CORO1C: variants seen among roughly 807,000 people sequenced by gnomAD.
The protein encoded by CORO1C is coronin 1C.
Under a neutral mutation model 51.2 loss-of-function variants are expected in CORO1C, and 14 were observed. The observed-to-expected ratio is 0.27, with a 90% confidence interval of 0.18 to 0.43. The LOEUF is 0.43. Among genes scored for constraint, CORO1C ranks in the 20% least tolerant of loss-of-function variants. CORO1C has a pLI of 1.00. For missense variants in CORO1C, 417 were observed against 607.8 expected, an observed-to-expected ratio of 0.69 and a Z score of 3.30; for synonymous variants, 181 against 210.5, an observed-to-expected ratio of 0.86 and a Z score of 1.21.
At chr12:108,705,583 CAAAG>C (rs2035006729) in intron 1 of CORO1C, among the ~76,000 whole-genome samples, 1 of 151,370 alleles carries the variant, frequency 6.6e-6, no homozygotes, top group South Asian at 2.1e-4. Context: ...CAAAATTTTC[CAAAG>C]ATAGAGAAGA....
intron 2 of CORO1C, among the ~76,000 whole-genome samples, chr12:108,695,988 A>C (rs886252229): frequency 5.3e-5 from 8 of 152,202 alleles, no homozygotes; most frequent in Non-Finnish European, 1.0e-4. Flanking sequence ...AAGATCCCAA[A>C]TATTCCCACA....
intron 2 of CORO1C, among the ~76,000 whole-genome samples, chr12:108,678,718 TAAAA>T (rs5800834): frequency 1.8e-5 from 2 of 113,710 alleles, no homozygotes; most frequent in East Asian, 2.3e-4. Flanking sequence ...TTCCATGGCT[TAAAA>T]AAAAAAAAAA....
At chr12:108,706,080 G>A (rs1476535242) in intron 1 of CORO1C, among the ~76,000 whole-genome samples, 8 of 151,916 alleles carry the variant, frequency 5.3e-5, no homozygotes, top group African/African-American at 9.7e-5. Flanking sequence ...CCAGCTACTC[G>A]GGAGGCAGAG....
At chr12:108,652,443 T>C (rs760234276) in intron 7 of CORO1C, 26 bp from the exon 8 acceptor site, 1 of 1,602,436 alleles carries the variant, frequency 6.2e-7, no homozygotes, top group Non-Finnish European at 8.5e-7. Context: ...GACAAGTCTG[T>C]GTCTGATTGT....
intron 1 of CORO1C, 72 bp from the exon 2 acceptor site, chr12:108,701,395 G>A: frequency 5.0e-6 from 8 of 1,600,444 alleles, no homozygotes; most frequent in Non-Finnish European, 6.8e-6. Context: ...CAAATGAAAT[G>A]CTCCAAGTAG....
Position 108,710,639 on chromosome 12 carries a change from A to C in CORO1C, c.-5-9316T>G, listed in dbSNP as rs563997682. ...GAGTGCAGTGGCACAATCTCGGCTC[A>C]CTGCAACCTCCACCTCCCAGGTTCA... On this transcript the variant is annotated intron_variant, in intron 1 of 10. Transcript: ENST00000261401. Among the ~76,000 whole-genome samples the C allele has an allele frequency of 3.3e-5, 5 of 151,278 alleles. No individual in the cohort carries two copies. The East Asian group carries it at 5.8e-4, about 18-fold the overall frequency.
At chr12:108,697,161 A>C (rs995967536) in intron 2 of CORO1C, among the ~76,000 whole-genome samples, 1 of 152,156 alleles carries the variant, frequency 6.6e-6, no homozygotes, top group Admixed American at 6.5e-5. Flanking sequence ...GCTGACACTA[A>C]ATAGCTTTCA....
Position 108,678,260 on chromosome 12 carries a change from C to G in CORO1C, c.318+12G>C. On this transcript the variant is annotated intron_variant, in intron 3 of 10. Transcript: ENST00000261401. Reference sequence around the variant, plus strand: ...CACTGGCCTGTGTGCACACAACACCCTGGGAGCTTACCATGACCGTGCAGT... The same window carrying G: ...CACTGGCCTGTGTGCACACAACACCGTGGGAGCTTACCATGACCGTGCAGT... 1 of 1,606,810 alleles carries G rather than the reference C, an allele frequency of 6.2e-7. No homozygotes were observed. Among genetic ancestry groups the G allele is most frequent in the South Asian group, 1.1e-5 (1 of 90,004 alleles).
At chr12:108,665,115 G>C (rs1329631323) in intron 3 of CORO1C, among the ~76,000 whole-genome samples, 1 of 152,200 alleles carries the variant, frequency 6.6e-6, no homozygotes, top group Non-Finnish European at 1.5e-5. Context: ...GGAGTGATGG[G>C]AGACTTTGTT....
intron 1 of CORO1C, among the ~76,000 whole-genome samples, chr12:108,717,411 T>C (rs2035365847): frequency 6.6e-6 from 1 of 152,190 alleles, no homozygotes; most frequent in Non-Finnish European, 1.5e-5. Context: ...TATGAGTATG[T>C]GACATAATTA....
chr12:108,719,421 T>C (rs535559139), intron 1 of CORO1C, among the ~76,000 whole-genome samples: 42 of 152,336 alleles, frequency 2.8e-4, no homozygotes, highest in Non-Finnish European at 4.7e-4. Flanking sequence ...AGTCTACAGT[T>C]TTTCAGACTT....
intron 1 of CORO1C, among the ~76,000 whole-genome samples, chr12:108,708,466 T>G (rs2035089746): frequency 6.6e-6 from 1 of 151,874 alleles, no homozygotes; most frequent in South Asian, 2.1e-4. Flanking sequence ...CTTAGAGTTT[T>G]TTTTTTTTTT....
Position 108,648,983 on chromosome 12 carries a change from T to C in CORO1C, c.1039A>G (p.Ile347Val), listed in dbSNP as rs1216076344. 1.2e-6 allele frequency: 2 copies of C among 1,614,082 alleles called. No homozygotes were observed. Among genetic ancestry groups the C allele is most frequent in the African/African-American group, 2.7e-5 (2 of 74,930 alleles). ...CTCACCTTCCTGGGAACAGTCATAA[T>C]AATAGGTTCACACTTTCTCTCATGA... ...KLHERKCEPI[I>V]MTVPRKSDLF... The change falls in exon 9 of 11, where the codon ATT (isoleucine) becomes GTT (valine). Residue 347 changes from isoleucine to valine, a missense_variant. Transcript: ENST00000261401.
intron 2 of CORO1C, among the ~76,000 whole-genome samples, chr12:108,678,844 G>A (rs918110582): frequency 2.6e-5 from 4 of 151,734 alleles, no homozygotes; most frequent in Middle Eastern, 3.4e-3. Flanking sequence ...TGTAAAGGCC[G>A]GGCGCGGTGG....
At chr12:108,654,950 G>A (rs1160710935) in intron 6 of CORO1C, among the ~76,000 whole-genome samples, 1 of 152,068 alleles carries the variant, frequency 6.6e-6, no homozygotes, top group East Asian at 1.9e-4. Flanking sequence ...AAGTGATCCA[G>A]CCACCTCAGC....
chr12:108,718,772 A>G (rs888796979), intron 1 of CORO1C, among the ~76,000 whole-genome samples: 7 of 152,216 alleles, frequency 4.6e-5, no homozygotes, highest in African/African-American at 1.7e-4. Flanking sequence ...AGGAAAAAAC[A>G]AAACAAAACA....
rs771962151 is a variant in CORO1C at position 108,645,160 on chromosome 12, G to C, written c.*2243C>G. On this transcript the variant is annotated 3_prime_UTR_variant, in exon 11 of 11. Coordinates refer to ENST00000261401, the MANE Select transcript of CORO1C (RefSeq NM_014325.4). The stretch of plus-strand genomic sequence containing the variant: ...GAAAATGGAAGCAAGTGTTTTGACA[G>C]AACACTATGGCCACTCTATAAGAGC... The C allele has an allele frequency of 6.7e-6, 1 of 149,406 alleles. No homozygotes were observed. The highest frequency in any genetic ancestry group is 1.5e-5 in the Non-Finnish European group (1 of 67,772). 9.3% of individuals were successfully genotyped at this position (149,406 alleles called of 1,614,324 possible). A position where few individuals can be genotyped will look rare whatever the true frequency, so the allele number is the denominator to read the frequency against.
At chr12:108,716,537 T>C (rs1306206315) in intron 1 of CORO1C, among the ~76,000 whole-genome samples, 1 of 152,206 alleles carries the variant, frequency 6.6e-6, no homozygotes, top group Admixed American at 6.5e-5. Context: ...CATGTACTCC[T>C]GACAGTGTTT....
At chr12:108,669,127 A>G (rs1271657610) in intron 3 of CORO1C, among the ~76,000 whole-genome samples, 1 of 152,254 alleles carries the variant, frequency 6.6e-6, no homozygotes, top group Non-Finnish European at 1.5e-5. Flanking sequence ...CGTCTAAAAA[A>G]TGGGGGAATG....
Sources: gnomAD v4.1 joint callset for allele counts (sites outside exome capture counted in the v4.1 genomes callset) on GRCh38, gnomAD v4.1.1 for gene constraint, MANE v1.5 for transcripts, NCBI Gene and HGNC (gene_info 2026-07-23, HGNC 2026-07-21) for gene names.